The following LAMA2 variants were observed in gnomAD, a reference collection of about 807,000 sequenced individuals.
LAMA2 encodes laminin subunit alpha 2.
Under a neutral mutation model 364.8 loss-of-function variants are expected in LAMA2, and 269 were observed. The observed-to-expected ratio is 0.74, with a 90% CI of 0.67 to 0.82. LAMA2 has a LOEUF of 0.82. Among genes scored for constraint, LAMA2 ranks in the 40% least tolerant of loss-of-function variants. The pLI is 0.00. For synonymous variants in LAMA2, 1,379 were observed against 1,370.6 expected, an observed-to-expected ratio of 1.01 and a Z score of -0.14; for missense variants, 3,807 against 3,873.2, an observed-to-expected ratio of 0.98 and a Z score of 0.45.
At chr6:129,502,854 A>G (rs969033505) in intron 59 of LAMA2, 83 bp downstream of exon 59, 2 of 934,470 alleles carry the variant, frequency 2.1e-6, no homozygotes, top group Non-Finnish European at 3.5e-6. Flanking sequence ...AATCTACTAC[A>G]CTTATTAATT....
At chr6:129,479,911 G>A (rs550999762) in intron 54 of LAMA2, 1 of 152,154 alleles carries the variant, frequency 6.6e-6, no homozygotes, top group Non-Finnish European at 1.5e-5. Context: ...AAACTGTAAG[G>A]ACCCATACTG....
chr6:128,909,601 C>T (rs2114448838), intron 1 of LAMA2, among the ~76,000 whole-genome samples: 1 of 148,630 alleles, frequency 6.7e-6, no homozygotes, highest in South Asian at 2.2e-4. Context: ...ATTTGCCAGT[C>T]TGTGTCTTTT....
intron 12 of LAMA2, among the ~76,000 whole-genome samples, chr6:129,202,071 C>T (rs1281228925): frequency 6.6e-6 from 1 of 151,034 alleles, no homozygotes; most frequent in Non-Finnish European, 1.5e-5. Context: ...ACCTGTAGTC[C>T]CAGCTGCTCA....
intron 1 of LAMA2, among the ~76,000 whole-genome samples, chr6:128,910,716 C>G (rs1013411316): frequency 2.6e-5 from 4 of 152,160 alleles, no homozygotes; most frequent in Middle Eastern, 3.4e-3. Flanking sequence ...AGGCGCTCTG[C>G]TTTTTAGAGT....
intron 12 of LAMA2, among the ~76,000 whole-genome samples, chr6:129,194,899 G>A (rs1483328741): frequency 6.6e-6 from 1 of 152,138 alleles, no homozygotes; most frequent in Admixed American, 6.5e-5. Flanking sequence ...AAATTGTAGG[G>A]CCTTGTTGGT....
chr6:129,075,416 C>G (rs1259522825), intron 3 of LAMA2, among the ~76,000 whole-genome samples: 1 of 152,044 alleles, frequency 6.6e-6, no homozygotes, highest in Non-Finnish European at 1.5e-5. Flanking sequence ...AATGAGAAAC[C>G]CGCAGTGGTA....
chr6:129,227,639 A>G (rs1004425478), intron 12 of LAMA2, among the ~76,000 whole-genome samples: 3 of 152,318 alleles, frequency 2.0e-5, no homozygotes, highest in Non-Finnish European at 4.4e-5. Context: ...GCTGCAGAAC[A>G]GCAGATATTG....
rs538843444 is a variant in LAMA2, at chr6:129,050,367, G to C, written c.283+279G>C. Among the ~76,000 whole-genome samples, 4 of 152,288 alleles carry C rather than the reference G, an allele frequency of 2.6e-5. No individual in the cohort carries two copies. The South Asian group carries it at 8.3e-4, about 32-fold the overall frequency. On this transcript the variant is annotated intron_variant, in intron 2 of 64. Coordinates refer to ENST00000421865, the MANE Select transcript of LAMA2 (RefSeq NM_000426.4). ...CCAGATACCAAAGTGGTTTCTGAGGGTGTGGTTATTAACTCAGGCTGTCAT... is the reference window on the plus strand; with the variant it reads ...CCAGATACCAAAGTGGTTTCTGAGGCTGTGGTTATTAACTCAGGCTGTCAT...
chr6:129,462,033 C>T (rs1783279591), intron 49 of LAMA2, among the ~76,000 whole-genome samples: 1 of 151,888 alleles, frequency 6.6e-6, no homozygotes, highest in Non-Finnish European at 1.5e-5. Flanking sequence ...TGGTCTTGAC[C>T]TGAGGTAAGA....
At chr6:129,095,838 G>T (rs1391819098) in intron 3 of LAMA2, among the ~76,000 whole-genome samples, 1 of 151,730 alleles carries the variant, frequency 6.6e-6, no homozygotes, top group East Asian at 1.9e-4. Context: ...CAGGAGAATT[G>T]CTTGAACCTG....
intron 2 of LAMA2, among the ~76,000 whole-genome samples, chr6:129,058,088 G>A (rs1228849973): frequency 6.6e-6 from 1 of 152,196 alleles, no homozygotes; most frequent in Non-Finnish European, 1.5e-5. Context: ...GAATTTAAGT[G>A]CCCTTACTGC....
rs1356678593 is a variant in LAMA2 at position 129,010,179 on chromosome 6, C to G, written c.113-39739C>G. ...TCAGAGTCAAAGATGTTAATTCTACCTGGTGAACCAGAATGATCCTGCATA... is the reference window on the plus strand; with the variant it reads ...TCAGAGTCAAAGATGTTAATTCTACGTGGTGAACCAGAATGATCCTGCATA... On this transcript the variant is annotated intron_variant, in intron 1 of 64. Coordinates refer to ENST00000421865, the MANE Select transcript of LAMA2 (RefSeq NM_000426.4). Among the ~76,000 whole-genome samples the G allele has an allele frequency of 2.6e-5, 4 of 152,150 alleles. No individual in the cohort carries two copies. The South Asian group carries it at 8.3e-4, about 32-fold the overall frequency.
At position 129,143,719 on chromosome 6, in the gene LAMA2, A is replaced by G. The variant is rs368875502; in HGVS notation, c.640-182A>G. On this transcript the variant is annotated intron_variant, in intron 4 of 64. Coordinates refer to ENST00000421865, the MANE Select transcript of LAMA2 (RefSeq NM_000426.4). ...AAACAAACAAATTGCATGTACATGT[A>G]TTAAGAAGACTATAACATATATCAG... Among the ~76,000 whole-genome samples, 36 of 152,188 alleles carry G rather than the reference A, an allele frequency of 2.4e-4. 1 individual carries two copies. In the South Asian group the frequency reaches 7.2e-3, roughly 31 times the overall value.
At chr6:128,979,972 AG>A (rs1782763956) in intron 1 of LAMA2, among the ~76,000 whole-genome samples, 1 of 152,232 alleles carries the variant, frequency 6.6e-6, no homozygotes, top group African/African-American at 2.4e-5. Flanking sequence ...TATACTAGGC[AG>A]ATGGGCTAGG....
intron 7 of LAMA2, among the ~76,000 whole-genome samples, chr6:129,150,135 C>G (rs1007707920): frequency 5.3e-5 from 8 of 152,134 alleles, no homozygotes; most frequent in Non-Finnish European, 1.0e-4. Flanking sequence ...TAGAAATCTC[C>G]CATTATTACA....
intron 9 of LAMA2, among the ~76,000 whole-genome samples, chr6:129,168,946 T>C (rs897315467): frequency 2.4e-4 from 36 of 152,034 alleles, no homozygotes; most frequent in Non-Finnish European, 8.8e-5. Flanking sequence ...GGGAGTTCAC[T>C]CATGATTTGG....
intron 1 of LAMA2, among the ~76,000 whole-genome samples, chr6:128,921,683 T>G (rs1778724698): frequency 6.6e-6 from 1 of 150,650 alleles, no homozygotes; most frequent in Non-Finnish European, 1.5e-5. Flanking sequence ...TCCTGAACTG[T>G]GAAATGAATG....
At chr6:129,156,935 T>C (rs565367365) in intron 8 of LAMA2, among the ~76,000 whole-genome samples, 2 of 152,236 alleles carry the variant, frequency 1.3e-5, no homozygotes, top group South Asian at 4.1e-4. Context: ...TGTGCATGCA[T>C]ATAAATTATT....
chr6:128,948,998 T>C (rs1780648322), intron 1 of LAMA2, among the ~76,000 whole-genome samples: 1 of 152,186 alleles, frequency 6.6e-6, no homozygotes, highest in Non-Finnish European at 1.5e-5. Context: ...CACTGTGATA[T>C]TTGGTATTTT....
Sources: allele counts gnomAD v4.1 joint callset (sites outside exome capture counted in the v4.1 genomes callset), GRCh38; gene constraint gnomAD v4.1.1; transcripts MANE v1.5; gene names NCBI Gene and HGNC (gene_info 2026-07-23, HGNC 2026-07-21).